The following EP400 variants were observed in gnomAD, a reference collection of about 807,000 sequenced individuals.
The protein encoded by EP400 is E1A-binding protein p400.
EP400 carries 105 observed loss-of-function variants against 354.1 expected under a neutral mutation model. The ratio of observed to expected loss-of-function variants is 0.30; its 90% confidence interval spans 0.25 to 0.35. The LOEUF is 0.35. Among genes scored for constraint, EP400 ranks in the 10% least tolerant of loss-of-function variants. The pLI is 1.00. For missense variants in EP400, 3,280 were observed against 4,121.0 expected (o/e 0.80, Z 5.59); for synonymous variants, 1,646 against 1,716.9 (o/e 0.96, Z 1.02).
intron 2 of EP400, among the ~76,000 whole-genome samples, chr12:131,969,425 T>C (rs965694347): frequency 6.6e-6 from 1 of 152,164 alleles, no homozygotes; most frequent in Non-Finnish European, 1.5e-5. Flanking sequence ...CTCCATGAAG[T>C]TGCCTGATGC....
In EP400 at chr12:132,006,769, C is replaced by T. The variant is rs559134497; in HGVS notation, c.3196C>T (p.Leu1066=). Residue 1066 remains leucine, a synonymous_variant, in exon 15 of 53, where the codon CTG becomes TTG. Transcript: ENST00000389561. ...RDYQKIGLDW[L]AKLYRKNLNG... Reference sequence around the variant, plus strand: ...TTATCAGAAGATTGGCCTGGACTGGCTGGCCAAACTTTACAGGAAGAATCT... The same window carrying T: ...TTATCAGAAGATTGGCCTGGACTGGTTGGCCAAACTTTACAGGAAGAATCT... 189 of 1,614,072 alleles carry T rather than the reference C, an allele frequency of 1.2e-4. No homozygotes were observed. In the South Asian group the frequency reaches 1.9e-3, roughly 17 times the overall value.
At chr12:132,047,153 A>T (rs1298780577) in intron 39 of EP400, among the ~76,000 whole-genome samples, 1 of 152,198 alleles carries the variant, frequency 6.6e-6, no homozygotes, top group Non-Finnish European at 1.5e-5. Context: ...CATTTTTCTA[A>T]AAACACTTGT....
rs1200619446 is a variant in EP400, at chr12:132,018,949, C to T, written c.4277+573C>T. On this transcript the variant is annotated intron_variant, in intron 21 of 52. Transcript: ENST00000389561. This position sits in a 1 kb window ranked among gnomAD's most constrained non-coding sequence, Gnocchi z 4.0. ...AATAGGTATTTGGAGATGAAGGGGC[C>T]AGCTCTGCAGACAGTCTTGTGATCC... Among the ~76,000 whole-genome samples, 3 of 152,188 alleles carry T rather than the reference C, an allele frequency of 2.0e-5. No individual in the cohort carries two copies. The highest frequency in any genetic ancestry group is 2.9e-5 in the Non-Finnish European group (2 of 68,032).
chr12:132,032,454 T>C lies in EP400; in HGVS notation c.5951+305T>C, dbSNP rs916891635. On this transcript the variant is annotated intron_variant, in intron 30 of 52. Coordinates refer to ENST00000389561, the MANE Select transcript of EP400 (RefSeq NM_015409.5). Reference sequence around the variant, plus strand: ...TTAGTGATGCTGCTCACACAAGTCATCTTGCCATCTTCAGTTTTTACGTGT... The same window carrying C: ...TTAGTGATGCTGCTCACACAAGTCACCTTGCCATCTTCAGTTTTTACGTGT... Among the ~76,000 whole-genome samples, 4 of 152,246 alleles carry C rather than the reference T, an allele frequency of 2.6e-5. No homozygotes were observed. In the East Asian group the frequency reaches 7.7e-4, roughly 29 times the overall value.
intron 2 of EP400, among the ~76,000 whole-genome samples, chr12:131,970,354 C>A (rs1892246633): frequency 1.3e-5 from 2 of 152,202 alleles, no homozygotes; most frequent in South Asian, 4.1e-4. Context: ...GGATTCTCAT[C>A]TGCTTTTGAT....
intron 30 of EP400, 24 bp from the exon 31 acceptor site, chr12:132,037,658 G>A (rs1364063076): frequency 3.8e-6 from 6 of 1,595,626 alleles, no homozygotes; most frequent in Non-Finnish European, 4.3e-6. Context: ...GACTGACTTA[G>A]CATCTTACAT....
intron 47 of EP400, among the ~76,000 whole-genome samples, chr12:132,063,713 G>A (rs1290663093): frequency 6.6e-6 from 1 of 152,122 alleles, no homozygotes; most frequent in African/African-American, 2.4e-5. Context: ...CTCAGCTGAG[G>A]GCCCCTCCTG....
At chr12:131,985,273 C>T (rs980294914) in intron 5 of EP400, among the ~76,000 whole-genome samples, 2 of 152,256 alleles carry the variant, frequency 1.3e-5, no homozygotes, top group Non-Finnish European at 1.5e-5. Context: ...TCCAGCTTTG[C>T]GAGCTGTTCA....
intron 24 of EP400, among the ~76,000 whole-genome samples, chr12:132,024,234 G>T (rs1028108209): frequency 6.6e-6 from 1 of 152,184 alleles, no homozygotes; most frequent in Non-Finnish European, 1.5e-5. Context: ...TTGGCCAGGC[G>T]TGGTGGTGCT....
chr12:131,965,790 A>G (rs565019457), intron 2 of EP400, among the ~76,000 whole-genome samples: 2 of 152,278 alleles, frequency 1.3e-5, no homozygotes, highest in Admixed American at 1.3e-4. Context: ...TTTATTTACC[A>G]TTAATTTGTT....
chr12:132,074,221 G>T (rs561432337), intron 51 of EP400, among the ~76,000 whole-genome samples: 2 of 152,128 alleles, frequency 1.3e-5, no homozygotes, highest in African/African-American at 4.8e-5. Context: ...CACCGCGCCC[G>T]GTCGGCATTG....
At chr12:131,995,739 TGAAC>T (rs1893188163) in intron 12 of EP400, among the ~76,000 whole-genome samples, 1 of 117,526 alleles carries the variant, frequency 8.5e-6, no homozygotes, top group Non-Finnish European at 1.7e-5. Context: ...GAACTTCATG[TGAAC>T]GAATCCCACC....
In EP400 at chr12:132,053,481, G is replaced by A; in HGVS notation, c.7612G>A (p.Gly2538Arg). 1 of 1,531,900 alleles carries A rather than the reference G, an allele frequency of 6.5e-7. No homozygotes were observed. The highest frequency in any genetic ancestry group is 1.4e-5 in the African/African-American group (1 of 72,156). 94.9% of individuals were successfully genotyped at this position (1,531,900 alleles called of 1,614,324 possible). Reference sequence around the variant, plus strand: ...GGCAGCGGGCAGCCAGCCGCCAGCAGGGCCACCAGCTGTCCAGCCCCAACC... The same window carrying A: ...GGCAGCGGGCAGCCAGCCGCCAGCAAGGCCACCAGCTGTCCAGCCCCAACC... ...PQAAGSQPPA[G>R]PPAVQPQPQP... Residue 2538 changes from glycine (G) to arginine (R), a missense_variant, in exon 43 of 53, where the codon GGG becomes AGG. Transcript: ENST00000389561.
intron 12 of EP400, among the ~76,000 whole-genome samples, chr12:132,000,003 G>A (rs1356460628): frequency 8.9e-5 from 13 of 145,870 alleles, no homozygotes; most frequent in Non-Finnish European, 1.7e-4. Flanking sequence ...TTAATCTGGC[G>A]CCTGTATATT....
At chr12:132,024,826 G>T (rs1051280042) in intron 24 of EP400, among the ~76,000 whole-genome samples, 5 of 92,702 alleles carry the variant, frequency 5.4e-5, no homozygotes, top group African/African-American at 1.7e-4. Flanking sequence ...CAGCAGCCCC[G>T]GTGGCACCTT....
In EP400 at chr12:132,045,266, C is replaced by T. The variant is rs117225523; in HGVS notation, c.6785-53C>T. The T allele has an allele frequency of 5.0e-3, 7,935 of 1,598,020 alleles. 28 individuals carry two copies. The highest frequency in any genetic ancestry group is 5.9e-3 in the Non-Finnish European group (6,929 of 1,171,454). On this transcript the variant is annotated intron_variant, in intron 37 of 52. Transcript: ENST00000389561. ...CCTGTTTCCTTTGTCTTTTGCCTGCCCGTGTGGAATCTCCTGGTTTACTCT... is the reference window on the plus strand; with the variant it reads ...CCTGTTTCCTTTGTCTTTTGCCTGCTCGTGTGGAATCTCCTGGTTTACTCT...
chr12:131,981,964 C>T, intron 4 of EP400, 129 bp from the exon 5 acceptor site: 1 of 1,264,762 alleles, frequency 7.9e-7, no homozygotes, highest in Non-Finnish European at 1.1e-6. Flanking sequence ...TCGGTTGTGG[C>T]CAACTTCTCG....
chr12:132,005,792 T>C (rs1593340947), intron 13 of EP400, among the ~76,000 whole-genome samples: 1 of 152,118 alleles, frequency 6.6e-6, no homozygotes, highest in Non-Finnish European at 1.5e-5. Context: ...CCCTAAACCC[T>C]GAGACACCTA....
intron 41 of EP400, among the ~76,000 whole-genome samples, chr12:132,051,311 C>T (rs764704734): frequency 1.7e-4 from 26 of 152,080 alleles, no homozygotes; most frequent in Non-Finnish European, 2.9e-4. Flanking sequence ...TCCCCGTGTG[C>T]GGAGACGAGA....
Sources: gnomAD v4.1 joint callset for allele counts (sites outside exome capture counted in the v4.1 genomes callset) on GRCh38, gnomAD v4.1.1 for gene constraint, Gnocchi (gnomAD v3.1) non-coding constraint, MANE v1.5 for transcripts, NCBI Gene and HGNC (gene_info 2026-07-23, HGNC 2026-07-21) for gene names.